ABI3BP: variants seen among roughly 807,000 people sequenced by gnomAD.
The protein encoded by ABI3BP is target of Nesh-SH3.
A neutral mutation model predicts 268.6 loss-of-function variants in ABI3BP; 216 were observed. That is an observed-to-expected ratio of 0.80 (90% CI 0.72 to 0.90). The LOEUF is 0.90. Ranked by LOEUF, ABI3BP falls within the 40% of genes least tolerant of loss-of-function variation. The pLI is 0.00. For missense variants in ABI3BP, 2,090 were observed against 2,182.4 expected, an observed-to-expected ratio of 0.96 and a Z score of 0.84; for synonymous variants, 730 against 730.0, an observed-to-expected ratio of 1.00 and a Z score of 0.00.
intron 9 of ABI3BP, among the ~76,000 whole-genome samples, chr3:100,870,700 C>T (rs751155356): frequency 1.3e-5 from 2 of 152,132 alleles, no homozygotes; most frequent in Non-Finnish European, 2.9e-5. Context: ...TCTGGACATA[C>T]GTCCAAAGGA....
intron 1 of ABI3BP, among the ~76,000 whole-genome samples, chr3:100,976,524 A>G (rs893292722): frequency 1.3e-5 from 2 of 152,238 alleles, no homozygotes; most frequent in Non-Finnish European, 2.9e-5. Context: ...TTGCTAGGAT[A>G]TAAATTCCAC....
At position 100,894,938 on chromosome 3, in the gene ABI3BP, CAAAAAAAAAAAAAAAAAA is replaced by C. The variant is rs58342344; in HGVS notation, c.461+3806_461+3823del. Among the ~76,000 whole-genome samples the C allele has an allele frequency of 1.9e-4, 7 of 37,722 alleles. 1 individual carries two copies. The highest frequency in any genetic ancestry group is 4.1e-3 in the South Asian group (2 of 490). The allele number at this position is 37,722 out of a possible 152,430, so 24.7% of individuals were successfully genotyped here. A position where few individuals can be genotyped will look rare whatever the true frequency, so the allele number is the denominator to read the frequency against. ...TGGGCGACAGAGCGGGATTCCGCTT[CAAAAAAAAAAAAAAAAAA>C]AAAAAAAAAAACAGAAAAAAAAAAC... On this transcript the variant is annotated intron_variant, in intron 4 of 67. Transcript: ENST00000471714.
chr3:100,805,507 G>C (rs780558108), intron 50 of ABI3BP, among the ~76,000 whole-genome samples: 1 of 152,100 alleles, frequency 6.6e-6, no homozygotes, highest in African/African-American at 2.4e-5. Context: ...AACAATTATA[G>C]TGTATTCTAT....
In ABI3BP at chr3:100,749,496, G is replaced by A. The variant is rs937634717; in HGVS notation, c.*999C>T. 2.5e-5 allele frequency: 10 copies of A among 395,628 alleles called. No homozygotes were observed. The highest frequency in any genetic ancestry group is 4.5e-5 in the Non-Finnish European group (10 of 224,378). 24.5% of individuals were successfully genotyped at this position (395,628 alleles called of 1,614,324 possible). On this transcript the variant is annotated 3_prime_UTR_variant, in exon 68 of 68. Coordinates refer to ENST00000471714, the MANE Select transcript of ABI3BP (RefSeq NM_001375547.2). The stretch of plus-strand genomic sequence containing the variant: ...CAAGGATTCCCATTCCCCGCCTAAA[G>A]GACAATACCTTTTTAATAGAAATAA...
intron 2 of ABI3BP, among the ~76,000 whole-genome samples, chr3:100,925,647 C>T (rs997143700): frequency 4.0e-5 from 6 of 151,732 alleles, no homozygotes; most frequent in African/African-American, 7.3e-5. Flanking sequence ...CTCCTTGGCT[C>T]GAGTGATCTG....
In ABI3BP at chr3:100,911,898, C is replaced by T. The variant is rs570001570; in HGVS notation, c.260-9212G>A. 38 of 1,478,214 alleles carry T rather than the reference C, an allele frequency of 2.6e-5. No individual in the cohort carries two copies. In the South Asian group the frequency reaches 3.4e-4, roughly 13 times the overall value. The allele number at this position is 1,478,214 out of a possible 1,614,324, so 91.6% of individuals were successfully genotyped here. A position where few individuals can be genotyped will look rare whatever the true frequency, so the allele number is the denominator to read the frequency against. The stretch of plus-strand genomic sequence containing the variant: ...TGAATGACGACAGAATTTGTACCAA[C>T]CTATCACATTCTTTTTGACATTGGA... On this transcript the variant is annotated intron_variant, in intron 2 of 67. Coordinates refer to ENST00000471714, the MANE Select transcript of ABI3BP (RefSeq NM_001375547.2).
intron 1 of ABI3BP, among the ~76,000 whole-genome samples, chr3:100,975,787 T>C (rs1368555494): frequency 1.3e-5 from 2 of 151,950 alleles, no homozygotes; most frequent in Admixed American, 1.3e-4. Context: ...CCCTGAATGA[T>C]GATACATACT....
chr3:100,836,374 A>C (rs2098590194), intron 27 of ABI3BP, among the ~76,000 whole-genome samples: 1 of 152,178 alleles, frequency 6.6e-6, no homozygotes, highest in African/African-American at 2.4e-5. Flanking sequence ...CTTTCACTAA[A>C]CCCAGAAGGC....
intron 55 of ABI3BP, among the ~76,000 whole-genome samples, chr3:100,792,372 A>G (rs534778056): frequency 6.6e-6 from 1 of 151,870 alleles, no homozygotes; most frequent in Non-Finnish European, 1.5e-5. Context: ...GACAACAGTT[A>G]TTATTTATCA....
At chr3:100,917,325 G>T (rs1218427029) in intron 2 of ABI3BP, among the ~76,000 whole-genome samples, 1 of 151,976 alleles carries the variant, frequency 6.6e-6, no homozygotes, top group Non-Finnish European at 1.5e-5. Flanking sequence ...CATAGCACTT[G>T]GTATGACCCA....
chr3:100,955,477 A>G (rs1299772172), intron 1 of ABI3BP, among the ~76,000 whole-genome samples: 1 of 151,504 alleles, frequency 6.6e-6, no homozygotes, highest in African/African-American at 2.4e-5. Flanking sequence ...TGGCAGCCGT[A>G]TTAGATGTTT....
chr3:100,987,447 A>G (rs1056929583), intron 1 of ABI3BP, among the ~76,000 whole-genome samples: 6 of 152,236 alleles, frequency 3.9e-5, no homozygotes, highest in African/African-American at 1.4e-4. Context: ...ATAGCAGTCT[A>G]TAAAACTAAA....
chr3:100,943,514 T>G (rs2070546241), intron 1 of ABI3BP, among the ~76,000 whole-genome samples: 2 of 152,148 alleles, frequency 1.3e-5, no homozygotes, highest in African/African-American at 4.8e-5. Context: ...AGATTTATAA[T>G]ATCATCATCA....
At chr3:100,966,119 C>T (rs553915669) in intron 1 of ABI3BP, among the ~76,000 whole-genome samples, 1 of 152,278 alleles carries the variant, frequency 6.6e-6, no homozygotes, top group South Asian at 2.1e-4. Context: ...TGTTCTCTAA[C>T]CTGAAGTGGT....
intron 4 of ABI3BP, among the ~76,000 whole-genome samples, chr3:100,889,381 G>A (rs989955561): frequency 6.6e-6 from 1 of 152,066 alleles, no homozygotes; most frequent in African/African-American, 2.4e-5. Flanking sequence ...GTGGTGCTAG[G>A]CAAAAGACAT....
chr3:100,951,159 T>G (rs983854641), intron 1 of ABI3BP, among the ~76,000 whole-genome samples: 1 of 151,962 alleles, frequency 6.6e-6, no homozygotes, highest in Non-Finnish European at 1.5e-5. Context: ...GACATTTGTC[T>G]GAAGTTCTCA....
chr3:100,811,738 T>C lies in ABI3BP; in HGVS notation c.3483A>G (p.Pro1161=). The change falls in exon 47 of 68, where the codon CCA becomes CCG. Residue 1161 remains proline (P), a synonymous_variant. Transcript: ENST00000471714. ...TAKAPLWPEE[P]KTEVVESITY... The stretch of plus-strand genomic sequence containing the variant: ...TAAAACCTTTGCTACCTTCAGTCTT[T>C]GGCTCCTCTGGCCAGAGTGGTGCTT... 3 of 1,535,430 alleles carry C rather than the reference T, an allele frequency of 2.0e-6. No homozygotes were observed. The highest frequency in any genetic ancestry group is 2.6e-6 in the Non-Finnish European group (3 of 1,146,418).
intron 58 of ABI3BP, among the ~76,000 whole-genome samples, chr3:100,778,988 T>C (rs2096790821): frequency 6.6e-6 from 1 of 152,216 alleles, no homozygotes; most frequent in Non-Finnish European, 1.5e-5. Context: ...TCATTTTCCA[T>C]GTAGACTTAA....
At position 100,916,437 on chromosome 3, in the gene ABI3BP, T is replaced by C. The variant is rs144984668; in HGVS notation, c.259+9865A>G. The stretch of plus-strand genomic sequence containing the variant: ...GAGTTCAAAAGTACTGGAACACTTA[T>C]AGGCCACGGAGAAAAGCACGTTGGC... On this transcript the variant is annotated intron_variant, in intron 2 of 67. Transcript: ENST00000471714. Among the ~76,000 whole-genome samples, 1,092 of 152,300 alleles carry C rather than the reference T, an allele frequency of 7.2e-3. 15 individuals are homozygous for C. The highest frequency in any genetic ancestry group is 0.02 in the Middle Eastern group (6 of 294).
Sources: allele counts gnomAD v4.1 joint callset (sites outside exome capture counted in the v4.1 genomes callset), GRCh38; gene constraint gnomAD v4.1.1; transcripts MANE v1.5; gene names NCBI Gene and HGNC (gene_info 2026-07-23, HGNC 2026-07-21).